NUP210: variants seen among roughly 807,000 people sequenced by gnomAD.
NUP210 encodes the protein nucleoporin 210, also known as nuclear pore membrane glycoprotein 210.
NUP210 carries 151 observed loss-of-function variants against 196.0 expected under a neutral mutation model. That is an observed-to-expected ratio of 0.77 (90% CI 0.67 to 0.88). The LOEUF is 0.88. Ranked by LOEUF, NUP210 falls within the 40% of genes least tolerant of loss-of-function variation. The probability of loss-of-function intolerance (pLI) is 0.00; values close to 1 mark genes in which losing one functional copy is unlikely to be tolerated. For synonymous variants in NUP210, 1,070 were observed against 1,052.7 expected (o/e 1.02, Z -0.32); for missense variants, 2,314 against 2,493.7 (o/e 0.93, Z 1.53).
chr3:13,399,879 A>T lies in NUP210; in HGVS notation c.168-18T>A. On this transcript the variant is annotated intron_variant, in intron 1 of 39. Coordinates refer to ENST00000254508, the MANE Select transcript of NUP210 (RefSeq NM_024923.4). ...TGGACAACCTGCAGTGGAAGAAGAC[A>T]GCATTTACTCTCTGGAGCTGCACTG... The T allele has an allele frequency of 6.3e-7, 1 of 1,591,598 alleles. No individual in the cohort carries two copies. Among genetic ancestry groups the T allele is most frequent in the Non-Finnish European group, 8.6e-7 (1 of 1,168,822 alleles).
chr3:13,364,521 G>T (rs1280536423), intron 14 of NUP210, among the ~76,000 whole-genome samples: 2 of 152,182 alleles, frequency 1.3e-5, no homozygotes, highest in Non-Finnish European at 2.9e-5. Context: ...CAGGGCTAGG[G>T]GTTCAGAGAT....
chr3:13,322,241 G>A lies in NUP210; in HGVS notation c.4867C>T (p.Pro1623Ser). The change falls in exon 35 of 40, where the codon CCA becomes TCA. Residue 1623 changes from proline (P) to serine (S), a missense_variant. Pro to Ser is a moderately conservative substitution (Grantham distance 74). Coordinates refer to ENST00000254508, the MANE Select transcript of NUP210 (RefSeq NM_024923.4). ...TCCACGGTGAACACATCTTGAGATG[G>A]GAAATCAAAGACGGCCGGCTTGAAC... is the stretch of plus-strand genomic sequence containing the variant. ...SQFKPAVFDF[P>S]SQDVFTVEPQ... The A allele has an allele frequency of 1.2e-6, 2 of 1,614,234 alleles. No homozygotes were observed. Among genetic ancestry groups the A allele is most frequent in the Non-Finnish European group, 1.7e-6 (2 of 1,180,038 alleles).
intron 27 of NUP210, 85 bp from the exon 28 acceptor site, chr3:13,335,697 C>A: frequency 7.3e-7 from 1 of 1,376,570 alleles, no homozygotes; most frequent in South Asian, 1.3e-5. Flanking sequence ...TAGCCCCAGA[C>A]CCCCCAGCCC....
chr3:13,409,591 T>C lies in NUP210; in HGVS notation c.168-9730A>G, dbSNP rs562968412. On this transcript the variant is annotated intron_variant, in intron 1 of 39. Transcript: ENST00000254508. The stretch of plus-strand genomic sequence containing the variant: ...CCTATTAAAACCCCCATTTGATACA[T>C]GAGGAATCCTTTGCATGGATGTTAA... Among the ~76,000 whole-genome samples the C allele has an allele frequency of 3.3e-4, 51 of 152,302 alleles. 1 individual carries two copies. Among genetic ancestry groups the C allele is most frequent in the Admixed American group, 7.8e-4 (12 of 15,298 alleles).
intron 33 of NUP210, among the ~76,000 whole-genome samples, chr3:13,324,502 G>C (rs1027124390): frequency 6.6e-6 from 1 of 152,022 alleles, no homozygotes; most frequent in Non-Finnish European, 1.5e-5. Context: ...ACCTCTGTGT[G>C]CCCCTCTCAG....
In NUP210 at chr3:13,342,520, C is replaced by T. The variant is rs561735539; in HGVS notation, c.2965-397G>A. On this transcript the variant is annotated intron_variant, in intron 21 of 39. Coordinates refer to ENST00000254508, the MANE Select transcript of NUP210 (RefSeq NM_024923.4). ...ACACAGCGAAGAAACAGATGATTAG[C>T]AAACAGCAGTGGAAATGAGATTATA... Among the ~76,000 whole-genome samples the T allele has an allele frequency of 2.8e-4, 42 of 152,246 alleles. 1 individual carries two copies. In the South Asian group the frequency reaches 8.7e-3, roughly 32 times the overall value.
chr3:13,391,630 C>G (rs1359830012), intron 3 of NUP210, among the ~76,000 whole-genome samples: 1 of 148,890 alleles, frequency 6.7e-6, no homozygotes, highest in African/African-American at 2.5e-5. Context: ...CTGCCCCGCA[C>G]GTCTGTGAGC....
At chr3:13,389,456 G>A (rs965666025) in intron 4 of NUP210, among the ~76,000 whole-genome samples, 7 of 152,156 alleles carry the variant, frequency 4.6e-5, no homozygotes, top group Admixed American at 2.6e-4. Flanking sequence ...AGGGCAGGAG[G>A]CTGAGGCTCA....
At chr3:13,351,829 C>T (rs1303449046) in intron 20 of NUP210, 50 bp downstream of exon 20, 1 of 1,178,718 alleles carries the variant, frequency 8.5e-7, no homozygotes, top group Admixed American at 1.7e-5. Flanking sequence ...CACACAACAG[C>T]CCAGATAAGG....
chr3:13,325,698 T>C, intron 33 of NUP210, 97 bp downstream of exon 33: 1 of 1,466,634 alleles, frequency 6.8e-7, no homozygotes. Context: ...TCAGACGGCT[T>C]TTCCCTAAAA....
Position 13,348,326 on chromosome 3 carries a change from G to A in NUP210, c.2835+3553C>T, listed in dbSNP as rs538061776. 2.1e-5 allele frequency: 20 copies of A among 963,462 alleles called. No individual in the cohort carries two copies. Among genetic ancestry groups the A allele is most frequent in the Admixed American group, 1.2e-4 (2 of 16,250 alleles). 59.7% of individuals were successfully genotyped at this position (963,462 alleles called of 1,614,324 possible). A position where few individuals can be genotyped will look rare whatever the true frequency, so the allele number is the denominator to read the frequency against. On this transcript the variant is annotated intron_variant, in intron 20 of 39. Transcript: ENST00000254508. The surrounding 1 kb of genome is among the most constrained non-coding windows in gnomAD (Gnocchi z 4.0). ...TACAGCGGCAGCCTAGTCCATCACC[G>A]ACCTCTAGGAACTCTTGTTCTTGGA...
chr3:13,335,837 C>G (rs528036322), intron 27 of NUP210, among the ~76,000 whole-genome samples: 2 of 152,236 alleles, frequency 1.3e-5, no homozygotes, highest in Non-Finnish European at 2.9e-5. Flanking sequence ...CTGCCTGCAT[C>G]GCACAACATG....
At chr3:13,372,069 C>T in intron 12 of NUP210, 37 bp from the exon 13 acceptor site, 1 of 1,510,490 alleles carries the variant, frequency 6.6e-7, no homozygotes, top group Non-Finnish European at 8.9e-7. Flanking sequence ...TCAGCTGCCT[C>T]CACAGGAGAG....
chr3:13,386,470 G>T, intron 5 of NUP210, 63 bp from the exon 6 acceptor site: 1 of 1,582,900 alleles, frequency 6.3e-7, no homozygotes, highest in South Asian at 1.1e-5. Flanking sequence ...GTGGTGGTGT[G>T]AGCAAGAGAA....
chr3:13,402,829 A>T (rs889917942), intron 1 of NUP210, among the ~76,000 whole-genome samples: 1 of 152,220 alleles, frequency 6.6e-6, no homozygotes, highest in Non-Finnish European at 1.5e-5. Context: ...CCCCATGCAT[A>T]CACAACACTT....
chr3:13,356,784 C>T (rs1313792654), intron 16 of NUP210, among the ~76,000 whole-genome samples: 1 of 152,192 alleles, frequency 6.6e-6, no homozygotes, highest in African/African-American at 2.4e-5. Context: ...TTTCTGGCGA[C>T]ATCTATGATG....
chr3:13,384,179 T>C (rs1016494677), intron 6 of NUP210, among the ~76,000 whole-genome samples: 21 of 151,822 alleles, frequency 1.4e-4, no homozygotes, highest in Non-Finnish European at 2.4e-4. Context: ...GTCAGGCTGG[T>C]CTCGAACCCC....
chr3:13,367,473 T>C (rs1559331371), intron 13 of NUP210, among the ~76,000 whole-genome samples: 1 of 152,102 alleles, frequency 6.6e-6, no homozygotes. Context: ...CATGAGTATA[T>C]AATTCACAAT....
chr3:13,318,051 T>C (rs1696344934), intron 39 of NUP210, among the ~76,000 whole-genome samples: 1 of 152,134 alleles, frequency 6.6e-6, no homozygotes, highest in Non-Finnish European at 1.5e-5. Flanking sequence ...CAGCAGCATC[T>C]GTCCAGGGGG....
Sources: allele counts gnomAD v4.1 joint callset (sites outside exome capture counted in the v4.1 genomes callset), GRCh38; gene constraint gnomAD v4.1.1; non-coding constraint Gnocchi (gnomAD v3.1); transcripts MANE v1.5; gene names NCBI Gene and HGNC (gene_info 2026-07-23, HGNC 2026-07-21).